PCSK9: variants seen among roughly 807,000 people sequenced by gnomAD.
PCSK9 encodes the protein convertase subtilisin/kexin type 9 preproprotein.
A neutral mutation model predicts 62.1 loss-of-function variants in PCSK9; 57 were observed. The observed-to-expected ratio is 0.92, with a 90% CI of 0.74 to 1.14. PCSK9 has a LOEUF of 1.14. Ranked by LOEUF, PCSK9 falls within the 50% of genes most tolerant of loss-of-function variation. The pLI, the probability that PCSK9 is intolerant of heterozygous loss-of-function variation, is 0.00. For synonymous variants in PCSK9, 387 were observed against 409.4 expected (o/e 0.95, Z 0.66); for missense variants, 870 against 959.8 (o/e 0.91, Z 1.24).
intron 10 of PCSK9, among the ~76,000 whole-genome samples, chr1:55,060,739 G>T (rs530146515): frequency 1.3e-5 from 2 of 152,302 alleles, no homozygotes; most frequent in South Asian, 4.1e-4. Context: ...CATGCTGAGT[G>T]GCTGCCCCGA....
Position 55,064,235 on chromosome 1 carries a change from C to A in PCSK9, c.*651C>A. 6.5e-6 allele frequency: 1 copy of A among 153,034 alleles called. No homozygotes were observed. Among genetic ancestry groups the A allele is most frequent in the Non-Finnish European group, 1.5e-5 (1 of 68,602 alleles). The allele number at this position is 153,034 out of a possible 1,614,324, so 9.5% of individuals were successfully genotyped here. The stretch of plus-strand genomic sequence containing the variant: ...CTATGCCAGGCTGTGCTAGCAACAC[C>A]CAAAGGTGGCCTGCGGGGAGCCATC... On this transcript the variant is annotated 3_prime_UTR_variant, in exon 12 of 12. Transcript: ENST00000302118.
chr1:55,057,693 C>T (rs1333680217), intron 7 of PCSK9, among the ~76,000 whole-genome samples, 179 bp downstream of exon 7: 3 of 152,168 alleles, frequency 2.0e-5, no homozygotes, highest in Non-Finnish European at 2.9e-5. Flanking sequence ...AGAGGAAACA[C>T]GAGGTCAGGG....
chr1:55,060,052 C>G (rs1197579770), intron 10 of PCSK9, among the ~76,000 whole-genome samples: 1 of 152,158 alleles, frequency 6.6e-6, no homozygotes, highest in African/African-American at 2.4e-5. Context: ...CCCTGCCGCT[C>G]TATAGCTGTG....
At chr1:55,041,502 C>T (rs1644597969) in intron 1 of PCSK9, among the ~76,000 whole-genome samples, 1 of 152,176 alleles carries the variant, frequency 6.6e-6, no homozygotes, top group Admixed American at 6.5e-5. Flanking sequence ...GGCTGTATGA[C>T]CACCTGAACC....
intron 10 of PCSK9, 127 bp downstream of exon 10, chr1:55,059,790 TG>T: frequency 8.1e-7 from 1 of 1,236,976 alleles, no homozygotes; most frequent in South Asian, 1.5e-5. Context: ...TTCCATACTC[TG>T]GTTCTGCCAC....
At chr1:55,061,581 G>A in intron 11 of PCSK9, 25 bp downstream of exon 11, 2 of 1,570,706 alleles carry the variant, frequency 1.3e-6, no homozygotes, top group Non-Finnish European at 1.7e-6. Context: ...GAGGCCGGGT[G>A]GGTGGGGTGC....
rs1243707941 is a variant in PCSK9, at chr1:55,059,520, A to G, written c.1538A>G (p.Asn513Ser). Reference sequence around the variant, plus strand: ...GGCAAGCTGGTCTGCCGGGCCCACAACGCTTTTGGGGGTGAGGGTGTCTAC... The same window carrying G: ...GGCAAGCTGGTCTGCCGGGCCCACAGCGCTTTTGGGGGTGAGGGTGTCTAC... ...QGGKLVCRAHNAFGGEGVYAI... is the reference protein window; with the variant it reads ...QGGKLVCRAHSAFGGEGVYAI... The change falls in exon 10 of 12, where the codon AAC becomes AGC. Residue 513 changes from asparagine (N) to serine (S), a missense_variant. Transcript: ENST00000302118. The G allele has an allele frequency of 3.2e-6, 5 of 1,565,874 alleles. No individual in the cohort carries two copies. Among genetic ancestry groups the G allele is most frequent in the Non-Finnish European group, 4.3e-6 (5 of 1,154,138 alleles).
Position 55,043,944 on chromosome 1 carries a change from C to T in PCSK9, c.309C>T (p.Ala103=), listed in dbSNP as rs779110591. The T allele has an allele frequency of 1.2e-6, 2 of 1,614,216 alleles. No individual in the cohort carries two copies. Among genetic ancestry groups the T allele is most frequent in the Non-Finnish European group, 8.5e-7 (1 of 1,180,036 alleles). The change falls in exon 2 of 12, where the codon GCC becomes GCT. Residue 103 remains alanine (A), a synonymous_variant. Transcript: ENST00000302118. The stretch of plus-strand genomic sequence containing the variant: ...CCCGCCGCCTGCAGGCCCAGGCTGC[C>T]CGCCGGGGATACCTCACCAAGATCC... The part of the protein sequence containing the change: ...RTARRLQAQA[A]RRGYLTKILH...
At chr1:55,046,920 C>G (rs1263719756) in intron 3 of PCSK9, among the ~76,000 whole-genome samples, 1 of 152,172 alleles carries the variant, frequency 6.6e-6, no homozygotes, top group African/African-American at 2.4e-5. Flanking sequence ...AATGGCCCAG[C>G]AGGCTGCACT....
At chr1:55,049,257 G>C (rs1644656412) in intron 3 of PCSK9, among the ~76,000 whole-genome samples, 1 of 152,224 alleles carries the variant, frequency 6.6e-6, no homozygotes, top group South Asian at 2.1e-4. Flanking sequence ...GAGGCAGGAG[G>C]GAGTGTGGCC....
At chr1:55,059,740 C>G in intron 10 of PCSK9, 77 bp downstream of exon 10, 6 of 1,497,672 alleles carry the variant, frequency 4.0e-6, no homozygotes, top group Non-Finnish European at 5.4e-6. Context: ...AGGCTTGGTC[C>G]TCACAAGTGT....
intron 5 of PCSK9, among the ~76,000 whole-genome samples, chr1:55,055,742 T>C (rs749422452): frequency 1.5e-4 from 23 of 152,188 alleles, no homozygotes; most frequent in Non-Finnish European, 3.2e-4. Context: ...GTCTGTTCTC[T>C]TAAGGCCTTC....
intron 3 of PCSK9, chr1:55,050,965 C>T: frequency 2.8e-6 from 1 of 361,714 alleles, no homozygotes; most frequent in South Asian, 2.0e-5. Flanking sequence ...AGATTTGACA[C>T]ACACAGGAGG....
At chr1:55,052,115 A>T in intron 3 of PCSK9, 163 bp from the exon 4 acceptor site, 1 of 962,172 alleles carries the variant, frequency 1.0e-6, no homozygotes, top group Non-Finnish European at 1.6e-6. Context: ...AATACATTAT[A>T]GAATAGGATG....
intron 3 of PCSK9, chr1:55,051,590 T>C (rs1017390003): frequency 1.7e-5 from 4 of 228,874 alleles, no homozygotes; most frequent in Non-Finnish European, 3.5e-5. Context: ...CCCCAGTGAG[T>C]CTCTTGCAGC....
chr1:55,046,739 C>G (rs1396628573), intron 3 of PCSK9, 93 bp downstream of exon 3: 2 of 1,496,996 alleles, frequency 1.3e-6, no homozygotes, highest in Non-Finnish European at 1.8e-6. Flanking sequence ...GTTTCCACTT[C>G]TCGGGGGGCT....
chr1:55,059,344 C>A, intron 9 of PCSK9, 142 bp from the exon 10 acceptor site: 1 of 1,042,958 alleles, frequency 9.6e-7, no homozygotes, highest in Non-Finnish European at 1.5e-6. Context: ...CAGGAGTGAG[C>A]TCCTTGTCCC....
At position 55,061,388 on chromosome 1, in the gene PCSK9, C is replaced by G. The variant is rs1363218878; in HGVS notation, c.1695C>G (p.His565Gln). 4 of 1,608,714 alleles carry G rather than the reference C, an allele frequency of 2.5e-6. No individual in the cohort carries two copies. The highest frequency in any genetic ancestry group is 3.4e-6 in the Non-Finnish European group (4 of 1,178,454). ...CCTCTGCCCCAGGCTGCAGCTCCCA[C>G]TGGGAGGTGGAGGACCTTGGCACCC... ...QGHVLTGCSS[H>Q]WEVEDLGTHK... The change falls in exon 11 of 12, where the codon CAC becomes CAG. Residue 565 changes from histidine to glutamine, a missense_variant. Coordinates refer to ENST00000302118, the MANE Select transcript of PCSK9 (RefSeq NM_174936.4).
intron 5 of PCSK9, among the ~76,000 whole-genome samples, chr1:55,054,991 C>T (rs569356665): frequency 1.1e-4 from 16 of 145,606 alleles, no homozygotes; most frequent in African/African-American, 2.3e-4. Context: ...GGCAATAGAG[C>T]GAGACTCCGT....
Sources: allele counts gnomAD v4.1 joint callset (sites outside exome capture counted in the v4.1 genomes callset), GRCh38; gene constraint gnomAD v4.1.1; transcripts MANE v1.5; gene names NCBI Gene and HGNC (gene_info 2026-07-23, HGNC 2026-07-21).